Variants in SHCBP1L observed in about 807,000 individuals in gnomAD.
SHCBP1L encodes SHC binding and spindle associated 1 like.
A neutral mutation model predicts 62.5 loss-of-function variants in SHCBP1L; 67 were observed. The observed-to-expected ratio is 1.07, with a 90% confidence interval of 0.88 to 1.31. The LOEUF is 1.31. SHCBP1L is among the 40% of genes most tolerant of loss of function. The probability of loss-of-function intolerance (pLI) is 0.00; values close to 1 mark genes in which losing one functional copy is unlikely to be tolerated. For synonymous variants in SHCBP1L, 284 were observed against 289.4 expected, an observed-to-expected ratio of 0.98 and a Z score of 0.19; for missense variants, 823 against 809.8, an observed-to-expected ratio of 1.02 and a Z score of -0.20.
At chr1:182,941,380 A>G (rs1299960149) in intron 2 of SHCBP1L, among the ~76,000 whole-genome samples, 1 of 152,052 alleles carries the variant, frequency 6.6e-6, no homozygotes, top group Non-Finnish European at 1.5e-5. Context: ...TGACATATGT[A>G]ACAAAAATCT....
intron 6 of SHCBP1L, among the ~76,000 whole-genome samples, chr1:182,924,974 G>GAAAGAAAGAAAGAAAGAAAGAAAGA (rs1344712194): frequency 8.2e-5 from 9 of 109,570 alleles, no homozygotes; most frequent in African/African-American, 3.4e-4. Context: ...AAGAAAGAAA[G>GAAAGAAAGAAAGAAAGAAAGAAAGA]AAAAAAAAAG....
intron 6 of SHCBP1L, among the ~76,000 whole-genome samples, chr1:182,924,754 AAGAAAGAAAGAAAGAAAGAAAGAAAG>A (rs1650642041): frequency 1.8e-5 from 2 of 109,932 alleles, no homozygotes; most frequent in South Asian, 6.6e-4. Context: ...GAAAGAAAGA[AAGAAAGAAAGAAAGAAAGAAAGAAAG>A]AAAGAAAGAG....
chr1:182,945,467 T>C (rs1350983066), intron 2 of SHCBP1L, among the ~76,000 whole-genome samples: 1 of 152,236 alleles, frequency 6.6e-6, no homozygotes, highest in Non-Finnish European at 1.5e-5. Flanking sequence ...ATAGCTGTTA[T>C]CACTTTGCCA....
At chr1:182,917,563 G>C (rs1292837560) in intron 6 of SHCBP1L, among the ~76,000 whole-genome samples, 1 of 152,066 alleles carries the variant, frequency 6.6e-6, no homozygotes, top group Non-Finnish European at 1.5e-5. Flanking sequence ...TTTTCTTACA[G>C]TTCTGGAGGA....
rs1649975732 is a variant in SHCBP1L at position 182,905,253 on chromosome 1, T to C, written c.1336+243A>G. ...TTAACATAGCTTTACATCTGGGTTTTCCTTAGTAAAGTGATGTGAAAAGCA... is the reference window on the plus strand; with the variant it reads ...TTAACATAGCTTTACATCTGGGTTTCCCTTAGTAAAGTGATGTGAAAAGCA... On this transcript the variant is annotated intron_variant, in intron 7 of 9. Transcript: ENST00000367547. Among the ~76,000 whole-genome samples the C allele has an allele frequency of 2.0e-5, 3 of 152,194 alleles. No individual in the cohort carries two copies. The South Asian group carries it at 6.2e-4, about 32-fold the overall frequency.
At chr1:182,907,577 A>ATTT (rs1650056398) in intron 6 of SHCBP1L, among the ~76,000 whole-genome samples, 2 of 150,580 alleles carry the variant, frequency 1.3e-5, no homozygotes, top group Non-Finnish European at 3.0e-5. Flanking sequence ...TATTATTATT[A>ATTT]TTATTGTTAT....
chr1:182,942,093 G>C lies in SHCBP1L; in HGVS notation c.556-1550C>G, dbSNP rs947039695. Reference sequence around the variant, plus strand: ...AGACAGGGACCACTGATAAGACATGGTATATGGTATTAATCAGACTTGGCT... The same window carrying C: ...AGACAGGGACCACTGATAAGACATGCTATATGGTATTAATCAGACTTGGCT... On this transcript the variant is annotated intron_variant, in intron 2 of 9. Coordinates refer to ENST00000367547, the MANE Select transcript of SHCBP1L (RefSeq NM_030933.4). 3.4e-6 allele frequency: 3 copies of C among 891,628 alleles called. No individual in the cohort carries two copies. The African/African-American group carries it at 5.0e-5, about 15-fold the overall frequency. 55.2% of individuals were successfully genotyped at this position (891,628 alleles called of 1,614,324 possible). A position where few individuals can be genotyped will look rare whatever the true frequency, so the allele number is the denominator to read the frequency against.
At chr1:182,922,014 T>C (rs911133179) in intron 6 of SHCBP1L, among the ~76,000 whole-genome samples, 4 of 152,098 alleles carry the variant, frequency 2.6e-5, no homozygotes, top group Non-Finnish European at 5.9e-5. Context: ...TCAGACAAAA[T>C]AGACTCCTAA....
At chr1:182,933,015 C>T (rs1168311695) in intron 5 of SHCBP1L, among the ~76,000 whole-genome samples, 4 of 152,192 alleles carry the variant, frequency 2.6e-5, no homozygotes, top group Non-Finnish European at 4.4e-5. Flanking sequence ...GAGCAATTCT[C>T]CTGCCTCAGC....
chr1:182,942,376 G>T, intron 2 of SHCBP1L: 1 of 751,790 alleles, frequency 1.3e-6, no homozygotes, highest in Middle Eastern at 2.6e-4. Context: ...CGGCCCCTTC[G>T]GCGGAGCTGA....
chr1:182,926,981 C>A (rs1571347816), intron 6 of SHCBP1L, among the ~76,000 whole-genome samples: 1 of 147,816 alleles, frequency 6.8e-6, no homozygotes, highest in African/African-American at 2.5e-5. Context: ...TTGAAAATCA[C>A]CTAACTAGTA....
chr1:182,902,206 C>T (rs984579554), intron 9 of SHCBP1L, among the ~76,000 whole-genome samples: 5 of 151,806 alleles, frequency 3.3e-5, no homozygotes, highest in African/African-American at 9.7e-5. Flanking sequence ...TATGCCACCA[C>T]GGTTGGCTAA....
intron 2 of SHCBP1L, among the ~76,000 whole-genome samples, chr1:182,947,236 CAA>C (rs761348678): frequency 3.1e-4 from 19 of 62,218 alleles, no homozygotes; most frequent in Non-Finnish European, 2.8e-4. Flanking sequence ...GACTCTGTCT[CAA>C]AAAAAAAAAA....
At position 182,952,838 on chromosome 1, in the gene SHCBP1L, T is replaced by C. The variant is rs1651831710; in HGVS notation, c.296A>G (p.Asp99Gly). 6.2e-7 allele frequency: 1 copy of C among 1,611,744 alleles called. No homozygotes were observed. The highest frequency in any genetic ancestry group is 8.5e-7 in the Non-Finnish European group (1 of 1,179,366). ...GGGCAGGGGCTGCGCCTCCTCTTCA[T>C]CCTCAGGCACTGGCAGCAGGGGCTC... ...AEEPLLPVPE[D>G]EEEAQPLPPV... is the part of the protein sequence containing the mutation. Residue 99 changes from aspartate to glycine, a missense_variant, in exon 1 of 10, where the codon GAT becomes GGT. Asp to Gly is a moderately conservative substitution (Grantham distance 94, BLOSUM62 -1). Coordinates refer to ENST00000367547, the MANE Select transcript of SHCBP1L (RefSeq NM_030933.4).
intron 6 of SHCBP1L, among the ~76,000 whole-genome samples, chr1:182,913,300 G>T (rs186409234): frequency 2.0e-5 from 3 of 152,306 alleles, no homozygotes; most frequent in Non-Finnish European, 4.4e-5. Context: ...ACTGGTGTCT[G>T]AGGGAGAGGA....
intron 2 of SHCBP1L, among the ~76,000 whole-genome samples, chr1:182,943,441 GTGTT>G (rs879461351): frequency 4.2e-5 from 6 of 144,068 alleles, no homozygotes; most frequent in South Asian, 2.2e-4. Context: ...TTGTTTGTTT[GTGTT>G]TGTTTTTGTT....
intron 8 of SHCBP1L, among the ~76,000 whole-genome samples, 160 bp from the exon 9 acceptor site, chr1:182,903,321 A>G (rs1047004840): frequency 7.2e-5 from 11 of 152,194 alleles, no homozygotes; most frequent in African/African-American, 2.7e-4. Context: ...TAAAGATAAT[A>G]TTTAAAAATA....
rs774754020 is a variant in SHCBP1L at position 182,905,578 on chromosome 1, A to G, written c.1254T>C (p.Tyr418=). The G allele has an allele frequency of 1.2e-6, 2 of 1,613,770 alleles. No individual in the cohort carries two copies. The highest frequency in any genetic ancestry group is 1.7e-6 in the Non-Finnish European group (2 of 1,179,782). The part of the protein sequence containing the change: ...GDLDLALDNC[Y]SGDTVIIFPG... Reference sequence around the variant, plus strand: ...GAAAAATTATTACTGTATCTCCACTATAACAATTATCCAAAGCCAAATCCA... The same window carrying G: ...GAAAAATTATTACTGTATCTCCACTGTAACAATTATCCAAAGCCAAATCCA... The change falls in exon 7 of 10, where the codon TAT becomes TAC. Residue 418 remains tyrosine (Y), a synonymous_variant. Coordinates refer to ENST00000367547, the MANE Select transcript of SHCBP1L (RefSeq NM_030933.4).
intron 5 of SHCBP1L, among the ~76,000 whole-genome samples, chr1:182,935,363 A>G (rs1184142453): frequency 6.6e-6 from 1 of 152,152 alleles, no homozygotes; most frequent in Non-Finnish European, 1.5e-5. Flanking sequence ...TTTCTGCATT[A>G]TAGGTCCTAT....
Sources: allele counts gnomAD v4.1 joint callset (sites outside exome capture counted in the v4.1 genomes callset), GRCh38; gene constraint gnomAD v4.1.1; transcripts MANE v1.5; gene names NCBI Gene and HGNC (gene_info 2026-07-23, HGNC 2026-07-21).